The following C12orf42 variants were observed in gnomAD, a reference collection of about 807,000 sequenced individuals.
The protein encoded by C12orf42 is chromosome 12 open reading frame 42, also known as uncharacterized protein C12orf42.
A neutral mutation model predicts 21.6 loss-of-function variants in C12orf42; 25 were observed. That is an observed-to-expected ratio of 1.16 (90% CI 0.84 to 1.62). The LOEUF (loss-of-function observed/expected upper bound fraction) is 1.62, where lower values mean the gene tolerates loss of function less well. C12orf42 is among the 40% of genes most tolerant of loss of function. The probability of loss-of-function intolerance (pLI) is 0.00; values close to 1 mark genes in which losing one functional copy is unlikely to be tolerated. For missense variants in C12orf42, 483 were observed against 459.3 expected, an observed-to-expected ratio of 1.05 and a Z score of -0.47; for synonymous variants, 174 against 175.0, an observed-to-expected ratio of 0.99 and a Z score of 0.05.
chr12:103,415,611 T>C (rs2049249018), intron 2 of C12orf42, among the ~76,000 whole-genome samples: 1 of 152,172 alleles, frequency 6.6e-6, no homozygotes. Flanking sequence ...AAAATAGAAA[T>C]CAATATCAAG....
chr12:103,360,823 C>T (rs908760554), intron 4 of C12orf42, among the ~76,000 whole-genome samples: 2 of 152,036 alleles, frequency 1.3e-5, no homozygotes, highest in African/African-American at 2.4e-5. Context: ...TTTTATTGGG[C>T]CCTTTGGGGG....
intron 2 of C12orf42, among the ~76,000 whole-genome samples, chr12:103,435,421 G>GAGA (rs1264401559): frequency 6.6e-6 from 1 of 152,234 alleles, no homozygotes; most frequent in African/African-American, 2.4e-5. Flanking sequence ...GATGAGCTGA[G>GAGA]AGAAGAAGGC....
the C12orf42 span, among the ~76,000 whole-genome samples, chr12:103,517,189 G>A: frequency 1.5e-4 from 23 of 152,160 alleles, no homozygotes; most frequent in African/African-American, 5.5e-4. Context: ...ATTGGTTTTT[G>A]GTTTTTGGTT....
At chr12:103,132,796 C>T in the C12orf42 span, among the ~76,000 whole-genome samples, 120 of 151,692 alleles carry the variant, frequency 7.9e-4, no homozygotes, top group Middle Eastern at 6.8e-3. Flanking sequence ...CAGCAGCCAC[C>T]GCTACCGCAG....
At chr12:103,120,679 T>C in the C12orf42 span, among the ~76,000 whole-genome samples, 3 of 151,002 alleles carry the variant, frequency 2.0e-5, no homozygotes, top group African/African-American at 7.3e-5. Context: ...TCAGTTATCT[T>C]ATATTATGAT....
chr12:103,086,654 G>A, the C12orf42 span, among the ~76,000 whole-genome samples: 2 of 151,720 alleles, frequency 1.3e-5, no homozygotes, highest in East Asian at 1.9e-4. Flanking sequence ...AGCTCCTGCC[G>A]CTTTCTTAAT....
chr12:103,116,381 A>AATATAT, the C12orf42 span, among the ~76,000 whole-genome samples: 9 of 136,700 alleles, frequency 6.6e-5, no homozygotes, highest in Middle Eastern at 3.8e-3. Flanking sequence ...AAAAAAAAAA[A>AATATAT]ATATATATAT....
At chr12:103,286,651 C>T (rs1396400764) in intron 4 of C12orf42, among the ~76,000 whole-genome samples, 2 of 151,726 alleles carry the variant, frequency 1.3e-5, no homozygotes, top group Admixed American at 6.6e-5. Flanking sequence ...GTGTGTGGTG[C>T]TTTTTACAAT....
At chr12:103,483,161 C>G (rs1172698818) in intron 1 of C12orf42, among the ~76,000 whole-genome samples, 1 of 151,908 alleles carries the variant, frequency 6.6e-6, no homozygotes, top group African/African-American at 2.4e-5. Flanking sequence ...TTAGTTTGAA[C>G]CTTATATGTA....
chr12:103,328,545 A>C (rs1008124792), intron 4 of C12orf42, among the ~76,000 whole-genome samples: 1 of 152,234 alleles, frequency 6.6e-6, no homozygotes, highest in African/African-American at 2.4e-5. Flanking sequence ...TTTCTTCAGC[A>C]AATTCCTCTT....
chr12:103,513,141 T>C, the C12orf42 span, among the ~76,000 whole-genome samples: 14 of 152,114 alleles, frequency 9.2e-5, no homozygotes, highest in Admixed American at 7.2e-4. Context: ...GTGGCTCCAA[T>C]GAGGCAGGTG....
the C12orf42 span, among the ~76,000 whole-genome samples, chr12:103,138,401 C>T: frequency 6.6e-6 from 1 of 152,162 alleles, no homozygotes; most frequent in South Asian, 2.1e-4. Context: ...GCTCTTCTCC[C>T]TTTGCTCGCT....
In C12orf42 at chr12:103,306,338, TG is replaced by T; in HGVS notation, c.266del (p.Pro89GlnfsTer20). 1 of 1,601,866 alleles carries T rather than the reference TG, an allele frequency of 6.2e-7. No homozygotes were observed. ...ACGCCATTGAATTTTGAGTCCTTTC[TG>T]GAAATACTGTGAAAGGTAAATACAT... ...SLHFLNFPVF[P>X]ERTQNSMACK... On this transcript the variant is annotated frameshift_variant, in exon 5 of 6. Transcript: ENST00000548883. LOFTEE classifies it high-confidence loss of function.
intron 3 of C12orf42, among the ~76,000 whole-genome samples, chr12:103,392,894 G>A (rs754391080): frequency 2.6e-5 from 4 of 152,110 alleles, no homozygotes; most frequent in Non-Finnish European, 5.9e-5. Context: ...CACAGAAGTG[G>A]CAGCAGTACA....
downstream of C12orf42, among the ~76,000 whole-genome samples, chr12:103,235,224 C>A (rs920252236): frequency 1.3e-5 from 2 of 152,118 alleles, no homozygotes; most frequent in Non-Finnish European, 2.9e-5. Flanking sequence ...TTTGGCAGCT[C>A]AGTTTACACC....
intron 2 of C12orf42, among the ~76,000 whole-genome samples, chr12:103,456,904 G>T (rs190797977): frequency 5.9e-5 from 9 of 152,100 alleles, no homozygotes; most frequent in African/African-American, 2.2e-4. Flanking sequence ...TGTTCTTTAT[G>T]TTTTCTTTGT....
At chr12:103,232,897 GT>G (rs1175182835), downstream of C12orf42, among the ~76,000 whole-genome samples, 3 of 152,000 alleles carry the variant, frequency 2.0e-5, no homozygotes, top group Admixed American at 6.6e-5. Context: ...GAAGTTTTGA[GT>G]TTTTTTATTG....
At chr12:103,419,643 A>G (rs1370416811) in intron 2 of C12orf42, among the ~76,000 whole-genome samples, 1 of 152,196 alleles carries the variant, frequency 6.6e-6, no homozygotes, top group Non-Finnish European at 1.5e-5. Flanking sequence ...AACTCTGCTC[A>G]GCACACTTGC....
intron 2 of C12orf42, among the ~76,000 whole-genome samples, chr12:103,476,324 C>T (rs967568184): frequency 3.9e-5 from 6 of 152,166 alleles, no homozygotes; most frequent in African/African-American, 1.4e-4. Context: ...GTCCCTGATC[C>T]ATTCCCTCTG....
Sources: gnomAD v4.1 joint callset for allele counts (sites outside exome capture counted in the v4.1 genomes callset) on GRCh38, gnomAD v4.1.1 for gene constraint, MANE v1.5 for transcripts, NCBI Gene and HGNC (gene_info 2026-07-23, HGNC 2026-07-21) for gene names.